The following ANKRD44 variants were observed in gnomAD, a reference collection of about 807,000 sequenced individuals.
ANKRD44 encodes the protein serine/threonine-protein phosphatase 6 regulatory ankyrin repeat subunit B.
A neutral mutation model predicts 116.0 loss-of-function variants in ANKRD44; 35 were observed. The ratio of observed to expected loss-of-function variants is 0.30; its 90% CI spans 0.23 to 0.40. ANKRD44 has a LOEUF of 0.40. Ranked by LOEUF, ANKRD44 falls within the 10% of genes least tolerant of loss-of-function variation. The pLI is 1.00. For synonymous variants in ANKRD44, 435 were observed against 461.8 expected, an observed-to-expected ratio of 0.94 and a Z score of 0.74; for missense variants, 1,014 against 1,242.6, an observed-to-expected ratio of 0.82 and a Z score of 2.77.
At chr2:197,040,714 GA>G (rs1421811995) in intron 16 of ANKRD44, among the ~76,000 whole-genome samples, 6 of 151,698 alleles carry the variant, frequency 4.0e-5, no homozygotes, top group African/African-American at 1.5e-4. Context: ...TGTCTGGTAG[GA>G]AAAAATAAAA....
intron 6 of ANKRD44, 128 bp downstream of exon 6, chr2:197,125,253 C>A: frequency 2.4e-6 from 2 of 842,262 alleles, no homozygotes; most frequent in Non-Finnish European, 3.9e-6. Context: ...CCAACCAAAT[C>A]TTCATTCAAT....
intron 14 of ANKRD44, 97 bp from the exon 15 acceptor site, chr2:197,081,822 T>C: frequency 5.2e-6 from 5 of 953,352 alleles, no homozygotes; most frequent in Non-Finnish European, 6.5e-6. Flanking sequence ...CAATGATTTT[T>C]ACCCCAACCC....
intron 21 of ANKRD44, among the ~76,000 whole-genome samples, chr2:196,967,607 A>C (rs993360754): frequency 1.3e-5 from 2 of 152,240 alleles, no homozygotes; most frequent in African/African-American, 4.8e-5. Flanking sequence ...TATGATACCA[A>C]TGCAAACCGG....
intron 16 of ANKRD44, among the ~76,000 whole-genome samples, chr2:197,077,651 C>G (rs1220209476): frequency 1.3e-5 from 2 of 152,172 alleles, no homozygotes; most frequent in African/African-American, 4.8e-5. Context: ...TAAAACCATT[C>G]AGGAAAGTGA....
chr2:197,174,555 A>G (rs2080319242), intron 2 of ANKRD44, among the ~76,000 whole-genome samples: 1 of 152,234 alleles, frequency 6.6e-6, no homozygotes, highest in African/African-American at 2.4e-5. Context: ...ACATAAAGGT[A>G]TTGATAAAAT....
intron 9 of ANKRD44, among the ~76,000 whole-genome samples, chr2:197,104,809 T>C (rs1236450921): frequency 6.6e-6 from 1 of 152,202 alleles, no homozygotes; most frequent in Non-Finnish European, 1.5e-5. Context: ...AGTGAAATGA[T>C]TAACAAAAAT....
intron 2 of ANKRD44, among the ~76,000 whole-genome samples, chr2:197,158,204 G>A (rs192977427): frequency 2.0e-5 from 3 of 152,250 alleles, no homozygotes; most frequent in African/African-American, 7.2e-5. Flanking sequence ...CACCTTCCCC[G>A]ACAGCCTAAA....
intron 2 of ANKRD44, among the ~76,000 whole-genome samples, chr2:197,153,898 G>A (rs1559108538): frequency 6.6e-6 from 1 of 151,976 alleles, no homozygotes; most frequent in Non-Finnish European, 1.5e-5. Flanking sequence ...AGGAGGAAAG[G>A]GATTAGGTTG....
chr2:197,252,476 G>C (rs892018403), intron 1 of ANKRD44, among the ~76,000 whole-genome samples: 9 of 151,876 alleles, frequency 5.9e-5, no homozygotes, highest in African/African-American at 9.7e-5. Context: ...GCGCGATCTC[G>C]GCTCACTGCA....
intron 16 of ANKRD44, chr2:197,078,144 T>C (rs1185477447): frequency 6.3e-6 from 1 of 157,646 alleles, no homozygotes; most frequent in Admixed American, 6.1e-5. Context: ...ACAAACTGTA[T>C]AATAAAAGTT....
chr2:197,008,589 T>G (rs2076240818), intron 19 of ANKRD44, among the ~76,000 whole-genome samples: 1 of 152,194 alleles, frequency 6.6e-6, no homozygotes, highest in African/African-American at 2.4e-5. Context: ...GATAACCTCA[T>G]GAGGTCTGTC....
At chr2:197,214,863 G>A (rs2081408889) in intron 1 of ANKRD44, among the ~76,000 whole-genome samples, 1 of 152,070 alleles carries the variant, frequency 6.6e-6, no homozygotes, top group African/African-American at 2.4e-5. Context: ...TAGAAGAACA[G>A]CTGGATTTTT....
chr2:196,979,970 C>T (rs1242470148), intron 21 of ANKRD44, among the ~76,000 whole-genome samples: 4 of 152,154 alleles, frequency 2.6e-5, no homozygotes, highest in Admixed American at 2.6e-4. Flanking sequence ...ACTCTCAGAT[C>T]ACCAGGCTGG....
intron 7 of ANKRD44, 70 bp downstream of exon 7, chr2:197,122,580 A>T: frequency 1.3e-6 from 2 of 1,542,616 alleles, no homozygotes; most frequent in Admixed American, 4.0e-5. Flanking sequence ...TGCAAACAGG[A>T]TTTAACTTTA....
At chr2:197,157,280 A>C (rs2079842479) in intron 2 of ANKRD44, among the ~76,000 whole-genome samples, 1 of 152,356 alleles carries the variant, frequency 6.6e-6, no homozygotes, top group Admixed American at 6.5e-5. Context: ...TAGTGGGTTA[A>C]TTTAGAGGCA....
Position 196,988,250 on chromosome 2 carries a change from C to A in ANKRD44, c.*1341G>T, listed in dbSNP as rs552364011. 6.1e-6 allele frequency: 6 copies of A among 985,448 alleles called. No individual in the cohort carries two copies. In the African/African-American group the frequency reaches 7.0e-5, roughly 11 times the overall value. The allele number at this position is 985,448 out of a possible 1,614,324, so 61.0% of individuals were successfully genotyped here. The stretch of plus-strand genomic sequence containing the variant: ...GCCAACTGAGCAAGATTTCCATTCA[C>A]TTCTAGAAAAAGACACCGCAGCATA... On this transcript the variant is annotated 3_prime_UTR_variant, in exon 28 of 28. Coordinates refer to ENST00000282272, the MANE Select transcript of ANKRD44 (RefSeq NM_001195144.2).
chr2:197,242,701 T>C (rs1378534073), intron 1 of ANKRD44, among the ~76,000 whole-genome samples: 3 of 152,138 alleles, frequency 2.0e-5, no homozygotes, highest in Non-Finnish European at 4.4e-5. Flanking sequence ...CAAGAATGGT[T>C]AACAGGACAC....
intron 1 of ANKRD44, among the ~76,000 whole-genome samples, chr2:197,190,968 T>C (rs1295686798): frequency 6.6e-6 from 1 of 152,236 alleles, no homozygotes; most frequent in South Asian, 2.1e-4. Flanking sequence ...TACAAAATTG[T>C]AACAAGGGTC....
chr2:197,307,110 G>C (rs558769882), intron 1 of ANKRD44, among the ~76,000 whole-genome samples: 1 of 152,174 alleles, frequency 6.6e-6, no homozygotes, highest in South Asian at 2.1e-4. Flanking sequence ...CCCTAAAACA[G>C]TCAATATCAA....
Sources: allele counts gnomAD v4.1 joint callset (sites outside exome capture counted in the v4.1 genomes callset), GRCh38; gene constraint gnomAD v4.1.1; transcripts MANE v1.5; gene names NCBI Gene and HGNC (gene_info 2026-07-23, HGNC 2026-07-21).